Variants in USP2 observed in about 807,000 individuals in gnomAD.
USP2 encodes ubiquitin specific peptidase 2, also known as ubiquitin carboxyl-terminal hydrolase 2.
Under a neutral mutation model 72.0 loss-of-function variants are expected in USP2, and 33 were observed. That is an observed-to-expected ratio of 0.46 (90% CI 0.35 to 0.61). The LOEUF is 0.61. Ranked by LOEUF, USP2 falls within the 20% of genes least tolerant of loss-of-function variation. The pLI, the probability that USP2 is intolerant of heterozygous loss-of-function variation, is 0.01. For synonymous variants in USP2, 296 were observed against 312.5 expected, an observed-to-expected ratio of 0.95 and a Z score of 0.56; for missense variants, 691 against 797.8, an observed-to-expected ratio of 0.87 and a Z score of 1.61.
In USP2 at chr11:119,373,036, C is replaced by A. The variant is rs755074536; in HGVS notation, c.445G>T (p.Asp149Tyr). 14 of 1,613,750 alleles carry A rather than the reference C, an allele frequency of 8.7e-6. No individual in the cohort carries two copies. The highest frequency in any genetic ancestry group is 1.1e-5 in the Non-Finnish European group (13 of 1,180,044). Reference protein sequence around the residue: ...KLDSQSDLARDFSSLRTSDSY... With the variant: ...KLDSQSDLARYFSSLRTSDSY... ...TCTGAGGTCCGGAGGCTGGAGAAAT[C>A]CCGGGCCAGGTCTGATTGGCTGTCC... Residue 149 changes from aspartate (D) to tyrosine (Y), a missense_variant, in exon 2 of 13, where the codon GAT (aspartate) becomes TAT (tyrosine). Asp to Tyr is a radical substitution (Grantham distance 160). Transcript: ENST00000260187.
Position 119,381,574 on chromosome 11 carries a change from G to A in USP2, c.-143C>T. 2.0e-6 allele frequency: 3 copies of A among 1,533,248 alleles called. No homozygotes were observed. The highest frequency in any genetic ancestry group is 2.6e-6 in the Non-Finnish European group (3 of 1,144,424). 95.0% of individuals were successfully genotyped at this position (1,533,248 alleles called of 1,614,324 possible). A position where few individuals can be genotyped will look rare whatever the true frequency, so the allele number is the denominator to read the frequency against. On this transcript the variant is annotated 5_prime_UTR_variant, in exon 1 of 13. Transcript: ENST00000260187. ...CGCGGCGCAGTGAGCACCAGCTGAC[G>A]AAGAGGGCTCCCCGGCCTCGGCTCC...
rs143133766 is a variant in USP2, at chr11:119,357,592, T to C, written c.1502-2A>G. On this transcript the variant is annotated splice_acceptor_variant, in intron 10 of 12. Coordinates refer to ENST00000260187, the MANE Select transcript of USP2 (RefSeq NM_004205.5). LOFTEE classifies it high-confidence loss of function. ...TGGATTCTGAGAACCGCTTCAGATCTGGCATTGACGTGAGTCAAGGATAGT... is the reference window on the plus strand; with the variant it reads ...TGGATTCTGAGAACCGCTTCAGATCCGGCATTGACGTGAGTCAAGGATAGT... 10 of 1,614,194 alleles carry C rather than the reference T, an allele frequency of 6.2e-6. No individual in the cohort carries two copies. Among genetic ancestry groups the C allele is most frequent in the Non-Finnish European group, 7.6e-6 (9 of 1,180,044 alleles).
At chr11:119,376,289 C>G in intron 1 of USP2, 1 of 985,688 alleles carries the variant, frequency 1.0e-6, no homozygotes, top group African/African-American at 1.7e-5. Context: ...GGGCCCTGGC[C>G]GGAGTCTCGC....
chr11:119,359,291 A>C lies in USP2; in HGVS notation c.1001T>G (p.Val334Gly). The change falls in exon 5 of 13, where the codon GTG becomes GGG. Residue 334 changes from valine to glycine, a missense_variant. Physicochemically the swap from Val to Gly is moderately radical, Grantham distance 109 (BLOSUM62 -3). Coordinates refer to ENST00000260187, the MANE Select transcript of USP2 (RefSeq NM_004205.5). ...CTGGGTCTTGAACTCAGATGGGCTC[A>C]CCACATCATTGGGGGATGAAGTCCA... ...TIWTSSPNDVVSPSEFKTQIQ... is the reference protein window; with the variant it reads ...TIWTSSPNDVGSPSEFKTQIQ... 6.2e-7 allele frequency: 1 copy of C among 1,614,068 alleles called. No homozygotes were observed. Among genetic ancestry groups the C allele is most frequent in the Non-Finnish European group, 8.5e-7 (1 of 1,180,018 alleles).
rs780334039 is a variant in USP2 at position 119,360,336 on chromosome 11, G to T, written c.775-102C>A. 59 of 1,156,620 alleles carry T rather than the reference G, an allele frequency of 5.1e-5. No individual in the cohort carries two copies. The South Asian group carries it at 7.4e-4, about 14-fold the overall frequency. 71.6% of individuals were successfully genotyped at this position (1,156,620 alleles called of 1,614,324 possible). ...TAACCAGCTGGAGCCACAGGCAGCA[G>T]GCCACACATAATATTCTTTCTTCAA... On this transcript the variant is annotated intron_variant, in intron 2 of 12. Coordinates refer to ENST00000260187, the MANE Select transcript of USP2 (RefSeq NM_004205.5).
At chr11:119,358,466 C>T (rs1950709401) in intron 7 of USP2, among the ~76,000 whole-genome samples, 1 of 152,186 alleles carries the variant, frequency 6.6e-6, no homozygotes, top group Admixed American at 6.5e-5. Flanking sequence ...CAGGTGCCCA[C>T]CACCATGCCT....
At chr11:119,358,425 C>T (rs1240111174) in intron 7 of USP2, among the ~76,000 whole-genome samples, 173 bp from the exon 8 acceptor site, 1 of 152,160 alleles carries the variant, frequency 6.6e-6, no homozygotes, top group Non-Finnish European at 1.5e-5. Flanking sequence ...CAGTGATTCT[C>T]CTGCCTCAGC....
chr11:119,374,918 C>A (rs1950980809), intron 1 of USP2, among the ~76,000 whole-genome samples: 1 of 152,184 alleles, frequency 6.6e-6, no homozygotes, highest in South Asian at 2.1e-4. Context: ...TAATTCCTAC[C>A]TCACAGGGCT....
chr11:119,363,750 A>C, intron 2 of USP2: 1 of 926,596 alleles, frequency 1.1e-6, no homozygotes, highest in Non-Finnish European at 1.5e-6. Context: ...GCTGGGAAGA[A>C]TCCGTCCCCT....
rs1460947097 is a variant in USP2 at position 119,359,669 on chromosome 11, G to C, written c.826-9C>G. 1 of 1,612,824 alleles carries C rather than the reference G, an allele frequency of 6.2e-7. No individual in the cohort carries two copies. On this transcript the variant is annotated splice_polypyrimidine_tract_variant and intron_variant, in intron 3 of 12. Transcript: ENST00000260187. The stretch of plus-strand genomic sequence containing the variant: ...ATTGAGTTCATGAAGCACTGCAAGA[G>C]ATGACCAGGCAATCAGTGGGGAGAC...
In USP2 at chr11:119,379,313, T is replaced by C. The variant is rs144907324; in HGVS notation, c.-42+2160A>G. ...TGAGGACTCTTGGAAGGGGGGCATT[T>C]TGAAGGGGAACAATCGGGAGATTCA... On this transcript the variant is annotated intron_variant, in intron 1 of 12. Coordinates refer to ENST00000260187, the MANE Select transcript of USP2 (RefSeq NM_004205.5). The C allele has an allele frequency of 4.2e-4, 410 of 984,488 alleles. No individual in the cohort carries two copies. The African/African-American group carries it at 6.6e-3, about 16-fold the overall frequency. The allele number at this position is 984,488 out of a possible 1,614,324, so 61.0% of individuals were successfully genotyped here.
chr11:119,357,453 A>C (rs775036969), intron 11 of USP2, 30 bp downstream of exon 11: 28 of 1,612,552 alleles, frequency 1.7e-5, no homozygotes, highest in Non-Finnish European at 2.4e-5. Flanking sequence ...CTGCGTCTTC[A>C]TTCTGCCCTG....
In USP2 at chr11:119,356,858, C is replaced by T. The variant is rs1464205221; in HGVS notation, c.1795G>A (p.Ala599Thr). The stretch of plus-strand genomic sequence containing the variant: ...CGCTACATTCGGGAGGGCGGGCTGG[C>T]CAGTTCGTAGAAGAGCAGGTAGGCG... ...SDAYLLFYEL[A>T]SPPSRM The change falls in exon 13 of 13, where the codon GCC (alanine) becomes ACC (threonine). Residue 599 changes from alanine (A) to threonine (T), a missense_variant. Transcript: ENST00000260187. The T allele has an allele frequency of 6.4e-6, 10 of 1,565,720 alleles. No homozygotes were observed. Among genetic ancestry groups the T allele is most frequent in the Non-Finnish European group, 8.7e-6 (10 of 1,155,594 alleles).
chr11:119,358,342 A>C (rs936435590), intron 7 of USP2, 90 bp from the exon 8 acceptor site: 39 of 1,240,450 alleles, frequency 3.1e-5, no homozygotes, highest in Non-Finnish European at 4.2e-5. Context: ...TTTGAGATGG[A>C]GTTTTGCTCT....
chr11:119,378,369 C>T (rs1057146809), intron 1 of USP2, among the ~76,000 whole-genome samples: 6 of 152,106 alleles, frequency 3.9e-5, no homozygotes, highest in Non-Finnish European at 7.4e-5. Context: ...CCTTGAACTC[C>T]GCCTACTCCT....
chr11:119,366,109 G>C (rs1289703117), intron 2 of USP2, among the ~76,000 whole-genome samples: 1 of 152,010 alleles, frequency 6.6e-6, no homozygotes, highest in African/African-American at 2.4e-5. Flanking sequence ...TGGCCGAGCT[G>C]GTCATGAACT....
chr11:119,378,722 TG>T (rs1951029470), intron 1 of USP2, among the ~76,000 whole-genome samples: 1 of 152,120 alleles, frequency 6.6e-6, no homozygotes, highest in Non-Finnish European at 1.5e-5. Flanking sequence ...GGCAAAGAAA[TG>T]GGCCTCCAGG....
chr11:119,368,368 C>T (rs935306737), intron 2 of USP2, among the ~76,000 whole-genome samples: 4 of 152,194 alleles, frequency 2.6e-5, no homozygotes, highest in Non-Finnish European at 5.9e-5. Context: ...GCTGCGTGAA[C>T]GGAGCGAGAA....
intron 2 of USP2, among the ~76,000 whole-genome samples, chr11:119,372,110 C>G (rs1335337082): frequency 6.6e-6 from 1 of 152,194 alleles, no homozygotes; most frequent in Non-Finnish European, 1.5e-5. Flanking sequence ...TGGATTGTCT[C>G]AAGCCCTAGA....
Sources: gnomAD v4.1 joint callset for allele counts (sites outside exome capture counted in the v4.1 genomes callset) on GRCh38, gnomAD v4.1.1 for gene constraint, MANE v1.5 for transcripts, NCBI Gene and HGNC (gene_info 2026-07-23, HGNC 2026-07-21) for gene names.